The following VAT1L variants were observed in gnomAD, a reference collection of about 807,000 sequenced individuals.
The protein encoded by VAT1L is putative NADPH-dependent quinone oxidoreductase VAT1L.
A neutral mutation model predicts 44.1 loss-of-function variants in VAT1L; 34 were observed. The ratio of observed to expected loss-of-function variants is 0.77; its 90% confidence interval spans 0.59 to 1.03. VAT1L has a LOEUF of 1.03. Ranked by LOEUF, VAT1L falls within the 50% of genes least tolerant of loss-of-function variation. VAT1L has a pLI of 0.00. For missense variants in VAT1L, 615 were observed against 538.8 expected, an observed-to-expected ratio of 1.14 and a Z score of -1.40; for synonymous variants, 253 against 202.2, an observed-to-expected ratio of 1.25 and a Z score of -2.13.
chr16:77,840,384 T>C (rs2016692070), intron 3 of VAT1L, among the ~76,000 whole-genome samples: 1 of 152,224 alleles, frequency 6.6e-6, no homozygotes, highest in Non-Finnish European at 1.5e-5. Context: ...CATCTCTGTA[T>C]GCTGGCCCAG....
rs767538600 is a variant in VAT1L at position 77,825,230 on chromosome 16, G to A, written c.364-16G>A. On this transcript the variant is annotated splice_polypyrimidine_tract_variant and intron_variant, in intron 2 of 8. Transcript: ENST00000302536. Reference sequence around the variant, plus strand: ...ATGAGGTAGCCTCCACTAACTCTGTGTTTCCCCATGCCCAGATTGGAGACC... The same window carrying A: ...ATGAGGTAGCCTCCACTAACTCTGTATTTCCCCATGCCCAGATTGGAGACC... 9.3e-6 allele frequency: 15 copies of A among 1,613,678 alleles called. No homozygotes were observed. Among genetic ancestry groups the A allele is most frequent in the East Asian group, 2.2e-5 (1 of 44,872 alleles).
intron 3 of VAT1L, among the ~76,000 whole-genome samples, chr16:77,848,778 T>C (rs1038943412): frequency 1.3e-5 from 2 of 152,086 alleles, no homozygotes; most frequent in Non-Finnish European, 2.9e-5. Context: ...TAGCAAAAAC[T>C]TGGAACCCAC....
intron 7 of VAT1L, among the ~76,000 whole-genome samples, chr16:77,947,021 T>A (rs922120039): frequency 6.6e-6 from 1 of 152,204 alleles, no homozygotes; most frequent in Non-Finnish European, 1.5e-5. Context: ...CAACACAGCC[T>A]CAAGGCTGAT....
At chr16:77,903,242 A>G (rs901982796) in intron 7 of VAT1L, among the ~76,000 whole-genome samples, 1 of 152,180 alleles carries the variant, frequency 6.6e-6, no homozygotes, top group African/African-American at 2.4e-5. Flanking sequence ...GATACAGCAT[A>G]TGACAAGCAC....
At chr16:77,971,787 C>A in intron 7 of VAT1L, 63 bp from the exon 8 acceptor site, 1 of 1,542,820 alleles carries the variant, frequency 6.5e-7, no homozygotes. Context: ...TTCTCCAGGC[C>A]CCCTTTTTAA....
At chr16:77,813,144 C>G (rs1597174120) in intron 1 of VAT1L, among the ~76,000 whole-genome samples, 1 of 152,048 alleles carries the variant, frequency 6.6e-6, no homozygotes, top group Middle Eastern at 3.4e-3. Flanking sequence ...GGGGCATTGA[C>G]ATGCCCCTGT....
At chr16:77,887,610 T>C (rs1567498717) in intron 7 of VAT1L, among the ~76,000 whole-genome samples, 2 of 152,004 alleles carry the variant, frequency 1.3e-5, no homozygotes, top group South Asian at 4.1e-4. Context: ...TGTGCTGGGG[T>C]TGTCAGCACT....
chr16:77,869,827 A>G (rs143543453), intron 4 of VAT1L, among the ~76,000 whole-genome samples: 1 of 152,298 alleles, frequency 6.6e-6, no homozygotes, highest in Non-Finnish European at 1.5e-5. Context: ...GGAGCAGCTA[A>G]TTGTTAAAAT....
intron 1 of VAT1L, among the ~76,000 whole-genome samples, chr16:77,790,974 C>G (rs2015824359): frequency 6.6e-6 from 1 of 152,194 alleles, no homozygotes; most frequent in Non-Finnish European, 1.5e-5. Flanking sequence ...CTGCACTTCC[C>G]CGACCCTAGT....
At chr16:77,845,591 G>A (rs2016750617) in intron 3 of VAT1L, among the ~76,000 whole-genome samples, 1 of 152,050 alleles carries the variant, frequency 6.6e-6, no homozygotes, top group African/African-American at 2.4e-5. Context: ...CTTTGAACAA[G>A]TCTTTGATGA....
chr16:77,862,333 C>T (rs1424895479), intron 3 of VAT1L, among the ~76,000 whole-genome samples: 1 of 152,082 alleles, frequency 6.6e-6, no homozygotes, highest in East Asian at 1.9e-4. Flanking sequence ...TAAAAAGGCC[C>T]CCCGGGCACA....
chr16:77,816,137 T>C (rs2016350639), intron 1 of VAT1L, among the ~76,000 whole-genome samples: 1 of 152,034 alleles, frequency 6.6e-6, no homozygotes, highest in African/African-American at 2.4e-5. Flanking sequence ...ATAGCGTCAT[T>C]GGAATCAAGT....
intron 7 of VAT1L, among the ~76,000 whole-genome samples, chr16:77,907,672 T>C (rs1045945360): frequency 2.6e-5 from 4 of 152,156 alleles, no homozygotes; most frequent in Admixed American, 2.6e-4. Flanking sequence ...TAAAAGCAGG[T>C]GTAGACATCA....
At chr16:77,938,667 C>T (rs2017835201) in intron 7 of VAT1L, among the ~76,000 whole-genome samples, 1 of 152,108 alleles carries the variant, frequency 6.6e-6, no homozygotes. Context: ...TTCCTGAGGC[C>T]TCCCCGGAAG....
intron 2 of VAT1L, among the ~76,000 whole-genome samples, chr16:77,818,152 T>A (rs1235182342): frequency 6.6e-6 from 1 of 152,116 alleles, no homozygotes; most frequent in Non-Finnish European, 1.5e-5. Context: ...CAATAATAAA[T>A]GCAGGACAGG....
intron 1 of VAT1L, among the ~76,000 whole-genome samples, chr16:77,804,509 G>T (rs1265446713): frequency 6.6e-6 from 1 of 152,176 alleles, no homozygotes; most frequent in Non-Finnish European, 1.5e-5. Flanking sequence ...CATATGATCT[G>T]AATGTATTTC....
chr16:77,942,452 T>C (rs1454581978), intron 7 of VAT1L, among the ~76,000 whole-genome samples: 2 of 152,024 alleles, frequency 1.3e-5, no homozygotes, highest in East Asian at 3.9e-4. Context: ...TTTTTTTTCA[T>C]ATGCGCATAC....
chr16:77,902,733 G>GGGGA (rs1555518302), intron 7 of VAT1L, among the ~76,000 whole-genome samples: 2 of 5,122 alleles, frequency 3.9e-4, no homozygotes, highest in African/African-American at 1.8e-3. Flanking sequence ...ATGGGGGGGT[G>GGGGA]GGGGGGGTGT....
intron 7 of VAT1L, among the ~76,000 whole-genome samples, chr16:77,959,484 T>A (rs2018138880): frequency 6.6e-6 from 1 of 152,248 alleles, no homozygotes; most frequent in African/African-American, 2.4e-5. Context: ...TAGATGTGTT[T>A]CTTAATTAAA....
Sources: allele counts gnomAD v4.1 joint callset (sites outside exome capture counted in the v4.1 genomes callset), GRCh38; gene constraint gnomAD v4.1.1; transcripts MANE v1.5; gene names NCBI Gene and HGNC (gene_info 2026-07-23, HGNC 2026-07-21).